Variants in EYA4 observed in about 807,000 individuals in gnomAD.
EYA4 encodes the protein protein phosphatase EYA4.
EYA4 carries 31 observed loss-of-function variants against 87.9 expected under a neutral mutation model. The ratio of observed to expected loss-of-function variants is 0.35; its 90% CI spans 0.27 to 0.48. EYA4 has a LOEUF of 0.48. Among genes scored for constraint, EYA4 ranks in the 20% least tolerant of loss-of-function variants. EYA4 has a pLI of 0.99. For synonymous variants in EYA4, 263 were observed against 270.6 expected, an observed-to-expected ratio of 0.97 and a Z score of 0.28; for missense variants, 678 against 761.4, an observed-to-expected ratio of 0.89 and a Z score of 1.29.
intron 12 of EYA4, 26 bp from the exon 13 acceptor site, chr6:133,483,006 T>G: frequency 6.3e-7 from 1 of 1,593,444 alleles, no homozygotes; most frequent in Non-Finnish European, 8.6e-7. Context: ...CTTTTTAATT[T>G]TCTGATATTT....
intron 3 of EYA4, among the ~76,000 whole-genome samples, chr6:133,395,128 CATA>C (rs760320873): frequency 9.2e-5 from 14 of 152,068 alleles, no homozygotes; most frequent in Non-Finnish European, 1.8e-4. Context: ...TTGACTAAAC[CATA>C]ATGACCAAAT....
At chr6:133,472,728 T>C (rs2128685341) in intron 11 of EYA4, among the ~76,000 whole-genome samples, 1 of 98,808 alleles carries the variant, frequency 1.0e-5, no homozygotes, top group South Asian at 4.1e-4. Flanking sequence ...TGTGGGAGTC[T>C]AAGTCTCTTT....
chr6:133,513,152 T>G, intron 16 of EYA4, 114 bp downstream of exon 16: 2 of 1,096,054 alleles, frequency 1.8e-6, no homozygotes, highest in Non-Finnish European at 2.7e-6. Context: ...AAGCTCATAT[T>G]AAACCACATT....
intron 3 of EYA4, among the ~76,000 whole-genome samples, chr6:133,413,340 T>A (rs1326534013): frequency 1.3e-5 from 2 of 152,132 alleles, no homozygotes; most frequent in Non-Finnish European, 2.9e-5. Context: ...TTGTGCCTCA[T>A]TCTGTAAATG....
chr6:133,378,528 C>T (rs1376882453), intron 2 of EYA4, among the ~76,000 whole-genome samples: 1 of 151,874 alleles, frequency 6.6e-6, no homozygotes, highest in African/African-American at 2.4e-5. Flanking sequence ...ATTTTAGGTT[C>T]TTCATAGGTT....
intron 3 of EYA4, among the ~76,000 whole-genome samples, chr6:133,440,312 A>C (rs1291769409): frequency 6.6e-6 from 1 of 152,200 alleles, no homozygotes; most frequent in East Asian, 1.9e-4. Flanking sequence ...TTTTTTATTC[A>C]ATTAACAATC....
chr6:133,241,420 G>T lies in EYA4; in HGVS notation c.-395G>T, dbSNP rs971939599. On this transcript the variant is annotated 5_prime_UTR_variant, in exon 1 of 20. Coordinates refer to ENST00000355286, the MANE Select transcript of EYA4 (RefSeq NM_004100.5). ...CTTAGAGAGGGGGAAAGAGCTGCGG[G>T]AAAAGCCGGGGAGTGACGACTGCGG... 6.6e-6 allele frequency: 1 copy of T among 152,324 alleles called. No homozygotes were observed. The highest frequency in any genetic ancestry group is 1.5e-5 in the Non-Finnish European group (1 of 68,148). The allele number at this position is 152,324 out of a possible 1,614,324, so 9.4% of individuals were successfully genotyped here.
intron 19 of EYA4, chr6:133,525,964 A>C (rs2128819250): frequency 1.0e-6 from 1 of 978,182 alleles, no homozygotes; most frequent in South Asian, 4.7e-5. Flanking sequence ...ACTTGATTGA[A>C]GCCAAGCAGC....
intron 3 of EYA4, among the ~76,000 whole-genome samples, chr6:133,432,365 A>G (rs962154744): frequency 3.3e-5 from 5 of 152,294 alleles, no homozygotes; most frequent in Admixed American, 2.6e-4. Flanking sequence ...GCTCTTTGGC[A>G]CTGAACACAG....
intron 1 of EYA4, among the ~76,000 whole-genome samples, chr6:133,262,004 T>C (rs1274006401): frequency 6.6e-6 from 1 of 152,242 alleles, no homozygotes; most frequent in Non-Finnish European, 1.5e-5. Flanking sequence ...AGCTGATCTA[T>C]TTTATTCCAG....
At position 133,274,824 on chromosome 6, in the gene EYA4, A is replaced by G. The variant is rs1777030773; in HGVS notation, c.33+11A>G. ...TTAAATGAACAATCAGTAAGTCTTCATTCTCAGTTTTGCTGAAAAAAGTTG... is the reference window on the plus strand; with the variant it reads ...TTAAATGAACAATCAGTAAGTCTTCGTTCTCAGTTTTGCTGAAAAAAGTTG... On this transcript the variant is annotated intron_variant, in intron 2 of 19. Transcript: ENST00000355286. 1 of 1,612,918 alleles carries G rather than the reference A, an allele frequency of 6.2e-7. No homozygotes were observed.
intron 1 of EYA4, among the ~76,000 whole-genome samples, chr6:133,250,176 G>A (rs1774770001): frequency 6.6e-6 from 1 of 152,062 alleles, no homozygotes; most frequent in Non-Finnish European, 1.5e-5. Context: ...GTGAATCCAG[G>A]CTTAGGTTAT....
intron 2 of EYA4, among the ~76,000 whole-genome samples, chr6:133,330,464 C>G (rs1781839058): frequency 6.6e-6 from 1 of 151,426 alleles, no homozygotes; most frequent in Admixed American, 6.6e-5. Context: ...GTCACATTTT[C>G]TAACTGATTT....
chr6:133,412,906 C>T (rs1789365779), intron 3 of EYA4, among the ~76,000 whole-genome samples: 1 of 152,152 alleles, frequency 6.6e-6, no homozygotes, highest in African/African-American at 2.4e-5. Context: ...AGCCCAGCAG[C>T]TGGATGTGGT....
At chr6:133,316,631 C>A (rs1780644559) in intron 2 of EYA4, among the ~76,000 whole-genome samples, 2 of 152,202 alleles carry the variant, frequency 1.3e-5, no homozygotes, top group African/African-American at 2.4e-5. Flanking sequence ...CCCTCTTTGG[C>A]CCTGCTGTAC....
rs370626902 is a variant in EYA4 at position 133,410,045 on chromosome 6, G to A, written c.83+27604G>A. On this transcript the variant is annotated intron_variant, in intron 3 of 19. Transcript: ENST00000355286. ...TAAGCTTTTGAAACACTTCAAATACGTCAGCCTATGCATATTAAAATTTTA... is the reference window on the plus strand; with the variant it reads ...TAAGCTTTTGAAACACTTCAAATACATCAGCCTATGCATATTAAAATTTTA... 3.4e-4 allele frequency among the ~76,000 whole-genome samples: 51 copies of A among 152,096 alleles called. 1 individual carries two copies. In the East Asian group the frequency reaches 4.2e-3, roughly 13 times the overall value.
At position 133,530,202 on chromosome 6, in the gene EYA4, T is replaced by C; in HGVS notation, c.*1397T>C. The C allele has an allele frequency of 1.0e-6, 1 of 985,438 alleles. No individual in the cohort carries two copies. Among genetic ancestry groups the C allele is most frequent in the Non-Finnish European group, 1.2e-6 (1 of 829,916 alleles). 61.0% of individuals were successfully genotyped at this position (985,438 alleles called of 1,614,324 possible). On this transcript the variant is annotated 3_prime_UTR_variant, in exon 20 of 20. Transcript: ENST00000355286. ...ATGACAACAGTAAAATAATACCTGGTTCTCCATCTGAATACATCAATGCAG... is the reference window on the plus strand; with the variant it reads ...ATGACAACAGTAAAATAATACCTGGCTCTCCATCTGAATACATCAATGCAG...
chr6:133,416,496 A>G (rs1444852103), intron 3 of EYA4, among the ~76,000 whole-genome samples: 1 of 152,164 alleles, frequency 6.6e-6, no homozygotes, highest in African/African-American at 2.4e-5. Context: ...AAATCCTTAC[A>G]AGGTCCCATT....
chr6:133,460,970 GT>G, intron 6 of EYA4, 143 bp from the exon 7 acceptor site: 1 of 706,182 alleles, frequency 1.4e-6, no homozygotes, highest in Non-Finnish European at 2.6e-6. Context: ...AGGAGAAAGT[GT>G]TTAGGCAGCT....
Sources: gnomAD v4.1 joint callset for allele counts (sites outside exome capture counted in the v4.1 genomes callset) on GRCh38, gnomAD v4.1.1 for gene constraint, MANE v1.5 for transcripts, NCBI Gene and HGNC (gene_info 2026-07-23, HGNC 2026-07-21) for gene names.